Variants in PRR4 observed in about 807,000 individuals in gnomAD.
PRR4 encodes the protein proline rich 4.
A neutral mutation model predicts 7.6 loss-of-function variants in PRR4; 7 were observed. The observed-to-expected ratio is 0.92, with a 90% CI of 0.52 to 1.73. The LOEUF (loss-of-function observed/expected upper bound fraction) is 1.73, where lower values mean the gene tolerates loss of function less well. PRR4 is among the 40% of genes most tolerant of loss of function. The probability of loss-of-function intolerance (pLI) is 0.00; values close to 1 mark genes in which losing one functional copy is unlikely to be tolerated. For synonymous variants in PRR4, 64 were observed against 58.5 expected, an observed-to-expected ratio of 1.09 and a Z score of -0.43; for missense variants, 187 against 161.0, an observed-to-expected ratio of 1.16 and a Z score of -0.87.
chr12:10,848,507 C>A, intron 1 of PRR4, 100 bp from the exon 2 acceptor site: 5 of 1,120,764 alleles, frequency 4.5e-6, no homozygotes, highest in Non-Finnish European at 5.2e-6. Flanking sequence ...ACACCCTGTG[C>A]ATCCCCTAAG....
At position 10,847,243 on chromosome 12, in the gene PRR4, T is replaced by G; in HGVS notation, c.225A>C (p.Lys75Asn). ...GAGGATGGCGGTGATGGCCTCCTGGTTTTGGTGGTCTCTGCTGAGGACCAT... is the reference window on the plus strand; with the variant it reads ...GAGGATGGCGGTGATGGCCTCCTGGGTTTGGTGGTCTCTGCTGAGGACCAT... ...QDDGPQQRPP[K>N]PGGHHRHPPP... The change falls in exon 3 of 4, where the codon AAA (lysine) becomes AAC (asparagine). Residue 75 changes from lysine (K) to asparagine (N), a missense_variant. Transcript: ENST00000228811. 6.2e-7 allele frequency: 1 copy of G among 1,613,646 alleles called. No individual in the cohort carries two copies. Among genetic ancestry groups the G allele is most frequent in the Admixed American group, 1.7e-5 (1 of 59,982 alleles).
chr12:10,846,379 G>C (rs932143150), intron 3 of PRR4, among the ~76,000 whole-genome samples: 14 of 152,144 alleles, frequency 9.2e-5, no homozygotes, highest in African/African-American at 3.4e-4. Context: ...TATGTCATTT[G>C]TGGGAAAAAT....
Position 10,847,084 on chromosome 12 carries a change from G to A in PRR4, c.384C>T (p.Pro128=). ...FFQRDRPARH[P]QEQPLW is the part of the protein sequence containing the mutation. ...TAGATTACCAGAGTGGTTGCTCCTGGGGATGTCTTGCTGGTCTGTCCCTCT... is the reference window on the plus strand; with the variant it reads ...TAGATTACCAGAGTGGTTGCTCCTGAGGATGTCTTGCTGGTCTGTCCCTCT... Residue 128 remains proline (P), a synonymous_variant, in exon 3 of 4, where the codon CCC becomes CCT. Transcript: ENST00000228811. The A allele has an allele frequency of 6.3e-7, 1 of 1,597,932 alleles. No individual in the cohort carries two copies. Among genetic ancestry groups the A allele is most frequent in the South Asian group, 1.1e-5 (1 of 88,470 alleles).
chr12:10,847,481 G>A (rs991870438), intron 2 of PRR4, 114 bp from the exon 3 acceptor site: 3 of 704,854 alleles, frequency 4.3e-6, no homozygotes, highest in Non-Finnish European at 6.3e-6. Flanking sequence ...CCTGCTGCTT[G>A]ACTGTCAACT....
chr12:10,847,432 A>G (rs1255921504), intron 2 of PRR4, 65 bp from the exon 3 acceptor site: 2 of 1,271,614 alleles, frequency 1.6e-6, no homozygotes, highest in Non-Finnish European at 2.1e-6. Context: ...CTCTCTTTAT[A>G]CTTCTCTCAC....
intron 3 of PRR4, among the ~76,000 whole-genome samples, chr12:10,846,308 T>C (rs186747740): frequency 2.6e-5 from 4 of 152,168 alleles, no homozygotes; most frequent in Non-Finnish European, 5.9e-5. Flanking sequence ...CGTGAAATGA[T>C]AAAGTTGTCT....
In PRR4 at chr12:10,847,044, C is replaced by T. The variant is rs377703018; in HGVS notation, c.*18+1G>A. The T allele has an allele frequency of 2.2e-5, 34 of 1,543,920 alleles. No individual in the cohort carries two copies. Among genetic ancestry groups the T allele is most frequent in the African/African-American group, 4.1e-5 (3 of 73,506 alleles). ...TAATGGAGAATGAACTGGAATCATA[C>T]CTGCCACTGAATTCTAGATTACCAG... is the stretch of plus-strand genomic sequence containing the variant. On this transcript the variant is annotated splice_donor_variant, in intron 3 of 3. Transcript: ENST00000228811. LOFTEE classifies it low-confidence loss of function (3UTR_SPLICE).
At position 10,847,226 on chromosome 12, in the gene PRR4, C is replaced by T. The variant is rs373379068; in HGVS notation, c.242G>A (p.Arg81His). The change falls in exon 3 of 4, where the codon CGC (arginine) becomes CAC (histidine). Residue 81 changes from arginine (R) to histidine (H), a missense_variant. Transcript: ENST00000228811. Reference sequence around the variant, plus strand: ...TTGAAAAGGAGGTGGGGGAGGATGGCGGTGATGGCCTCCTGGTTTTGGTGG... The same window carrying T: ...TTGAAAAGGAGGTGGGGGAGGATGGTGGTGATGGCCTCCTGGTTTTGGTGG... ...QRPPKPGGHH[R>H]HPPPPPFQNQ... 4.6e-5 allele frequency: 75 copies of T among 1,613,296 alleles called. 1 individual carries two copies. The Middle Eastern group carries it at 1.5e-3, about 32-fold the overall frequency.
chr12:10,846,730 A>C (rs1218349052), intron 3 of PRR4, among the ~76,000 whole-genome samples: 1 of 152,180 alleles, frequency 6.6e-6, no homozygotes, highest in Non-Finnish European at 1.5e-5. Context: ...TTGAGAAGGC[A>C]GACTCAAAGA....
chr12:10,847,350 G>C lies in PRR4; in HGVS notation c.118C>G (p.Gln40Glu). 1 of 1,541,524 alleles carries C rather than the reference G, an allele frequency of 6.5e-7. No homozygotes were observed. Among genetic ancestry groups the C allele is most frequent in the South Asian group, 1.3e-5 (1 of 79,416 alleles). Residue 40 changes from glutamine to glutamate, a missense_variant, in exon 3 of 4, where the codon CAG becomes GAG. By Grantham distance (29) the Gln-to-Glu change is conservative. Coordinates refer to ENST00000228811, the MANE Select transcript of PRR4 (RefSeq NM_007244.3). ...CTCTGGGGTCCCTGATCTGGTCTCT[G>C]ACTTGAGTCCTCTACATCTGTGTGA... The part of the protein sequence containing the change: ...FTIPDVEDSS[Q>E]RPDQGPQRPP...
chr12:10,845,938 T>C lies in PRR4; in HGVS notation c.*31A>G. On this transcript the variant is annotated 3_prime_UTR_variant, in exon 4 of 4. Transcript: ENST00000228811. ...CATGGCTTTCTGAAGGAAGTTATCT[T>C]CTTATTTATTTTCTGAAACAAAAAA... 1 of 1,340,390 alleles carries C rather than the reference T, an allele frequency of 7.5e-7. No homozygotes were observed. Among genetic ancestry groups the C allele is most frequent in the Non-Finnish European group, 9.8e-7 (1 of 1,024,928 alleles). The allele number at this position is 1,340,390 out of a possible 1,614,324, so 83.0% of individuals were successfully genotyped here. A position where few individuals can be genotyped will look rare whatever the true frequency, so the allele number is the denominator to read the frequency against.
In PRR4 at chr12:10,848,357, AT is replaced by A; in HGVS notation, c.100+14del. On this transcript the variant is annotated intron_variant, in intron 2 of 3. Coordinates refer to ENST00000228811, the MANE Select transcript of PRR4 (RefSeq NM_007244.3). ...AAGAAAGAAAAGAATTGGATTGAGG[AT>A]CATTGGGATTTACCTGGTATGGTGA... 2 of 1,599,114 alleles carry A rather than the reference AT, an allele frequency of 1.3e-6. No homozygotes were observed. Among genetic ancestry groups the A allele is most frequent in the Non-Finnish European group, 1.7e-6 (2 of 1,167,070 alleles).
rs1395779503 is a variant in PRR4 at position 10,848,592 on chromosome 12, C to T, written c.65-185G>A. On this transcript the variant is annotated intron_variant, in intron 1 of 3. Coordinates refer to ENST00000228811, the MANE Select transcript of PRR4 (RefSeq NM_007244.3). The stretch of plus-strand genomic sequence containing the variant: ...TTAGGGGAGGCAGGATTGTTACTAT[C>T]GCTGAGCATCAACCACGAATTCAAT... 11 of 498,176 alleles carry T rather than the reference C, an allele frequency of 2.2e-5. No homozygotes were observed. The East Asian group carries it at 3.0e-4, about 13-fold the overall frequency. 30.9% of individuals were successfully genotyped at this position (498,176 alleles called of 1,614,324 possible). A position where few individuals can be genotyped will look rare whatever the true frequency, so the allele number is the denominator to read the frequency against.
intron 2 of PRR4, among the ~76,000 whole-genome samples, chr12:10,848,058 A>G (rs1013805587): frequency 6.6e-6 from 1 of 152,210 alleles, no homozygotes; most frequent in African/African-American, 2.4e-5. Context: ...TGGAGGAGTC[A>G]GAATGAGAAC....
chr12:10,847,316 G>A lies in PRR4; in HGVS notation c.152C>T (p.Pro51Leu). ...AGGGGGTCTAGGTAGGAGTCCTTCA[G>A]GAGGAGGTCTCTGGGGTCCCTGATC... ...RPDQGPQRPP[P>L]EGLLPRPPGD... Residue 51 changes from proline (P) to leucine (L), a missense_variant, in exon 3 of 4, where the codon CCT (proline) becomes CTT (leucine). Coordinates refer to ENST00000228811, the MANE Select transcript of PRR4 (RefSeq NM_007244.3). 6.3e-7 allele frequency: 1 copy of A among 1,587,356 alleles called. No homozygotes were observed. Among genetic ancestry groups the A allele is most frequent in the Non-Finnish European group, 8.6e-7 (1 of 1,163,856 alleles).
chr12:10,849,236 C>CT (rs1337380576), intron 1 of PRR4, 138 bp downstream of exon 1: 2 of 427,654 alleles, frequency 4.7e-6, no homozygotes, highest in African/African-American at 3.9e-5. Flanking sequence ...CTCCAAAGCC[C>CT]TACCCTTCTT....
chr12:10,846,442 T>G (rs916071950), intron 3 of PRR4, among the ~76,000 whole-genome samples: 20 of 152,104 alleles, frequency 1.3e-4, no homozygotes, highest in South Asian at 2.1e-4. Context: ...GTTCAAAAAA[T>G]TAAGGGTGGT....
At chr12:10,847,392 A>T in intron 2 of PRR4, 25 bp from the exon 3 acceptor site, 1 of 1,448,674 alleles carries the variant, frequency 6.9e-7, no homozygotes, top group African/African-American at 1.4e-5. Context: ...AATGGACAAG[A>T]ATGCATGAGC....
At position 10,848,419 on chromosome 12, in the gene PRR4, A is replaced by G. The variant is rs780180058; in HGVS notation, c.65-12T>C. On this transcript the variant is annotated splice_polypyrimidine_tract_variant and intron_variant, in intron 1 of 3. Transcript: ENST00000228811. ...TTCATAGTTCACATCTAGGAAAAGA[A>G]GCACAGGATGAAGTGAACATTACCT... is the stretch of plus-strand genomic sequence containing the variant. 1 of 1,611,098 alleles carries G rather than the reference A, an allele frequency of 6.2e-7. No homozygotes were observed. The highest frequency in any genetic ancestry group is 8.5e-7 in the Non-Finnish European group (1 of 1,177,518).
Sources: allele counts gnomAD v4.1 joint callset (sites outside exome capture counted in the v4.1 genomes callset), GRCh38; gene constraint gnomAD v4.1.1; transcripts MANE v1.5; gene names NCBI Gene and HGNC (gene_info 2026-07-23, HGNC 2026-07-21).